AMOTL1: variants seen among roughly 807,000 people sequenced by gnomAD.
AMOTL1 encodes the protein angiomotin like 1.
Under a neutral mutation model 102.9 loss-of-function variants are expected in AMOTL1, and 45 were observed. The ratio of observed to expected loss-of-function variants is 0.44; its 90% CI spans 0.34 to 0.56. The LOEUF is 0.56. AMOTL1 is among the 20% of genes least tolerant of loss of function. The pLI, the probability that AMOTL1 is intolerant of heterozygous loss-of-function variation, is 0.01. For missense variants in AMOTL1, 1,114 were observed against 1,225.6 expected (o/e 0.91, Z 1.36); for synonymous variants, 481 against 484.7 (o/e 0.99, Z 0.10).
intron 2 of AMOTL1, among the ~76,000 whole-genome samples, chr11:94,795,949 A>G (rs1057476074): frequency 6.6e-6 from 1 of 152,222 alleles, no homozygotes; most frequent in African/African-American, 2.4e-5. Flanking sequence ...ACCTGTCCCA[A>G]TGCCTGAACT....
intron 9 of AMOTL1, among the ~76,000 whole-genome samples, 170 bp from the exon 10 acceptor site, chr11:94,864,565 T>C (rs1177643935): frequency 3.9e-5 from 6 of 152,148 alleles, no homozygotes; most frequent in East Asian, 1.9e-4. Flanking sequence ...TCAGATGAGA[T>C]TGATAACTGA....
At chr11:94,708,861 A>C (rs1364081679) in intron 1 of AMOTL1, among the ~76,000 whole-genome samples, 1 of 152,216 alleles carries the variant, frequency 6.6e-6, no homozygotes, top group Non-Finnish European at 1.5e-5. Flanking sequence ...AATTGAGTAC[A>C]GGAAACCAGT....
At chr11:94,770,942 C>T (rs576524244) in intron 1 of AMOTL1, among the ~76,000 whole-genome samples, 2 of 152,090 alleles carry the variant, frequency 1.3e-5, no homozygotes, top group East Asian at 1.9e-4. Context: ...GGACCCAGGG[C>T]CTAGGGAAAA....
intron 6 of AMOTL1, among the ~76,000 whole-genome samples, chr11:94,834,485 G>T (rs1374927989): frequency 6.6e-6 from 1 of 152,140 alleles, no homozygotes; most frequent in Non-Finnish European, 1.5e-5. Flanking sequence ...TACTCGGGGT[G>T]GGGCGCTGAG....
At position 94,799,192 on chromosome 11, in the gene AMOTL1, G is replaced by A. The variant is rs1004235632; in HGVS notation, c.200-198G>A. The stretch of plus-strand genomic sequence containing the variant: ...TTTAAGAGGAAGCAGAGGAGAGGGA[G>A]TGCAGAATAGTAGACTCGCTTTGAA... On this transcript the variant is annotated intron_variant, in intron 2 of 12. Coordinates refer to ENST00000433060, the MANE Select transcript of AMOTL1 (RefSeq NM_130847.3). This position sits in a 1 kb window ranked among gnomAD's most constrained non-coding sequence, Gnocchi z 4.5. Among the ~76,000 whole-genome samples, 10 of 151,980 alleles carry A rather than the reference G, an allele frequency of 6.6e-5. No individual in the cohort carries two copies. The highest frequency in any genetic ancestry group is 1.9e-4 in the African/African-American group (8 of 41,360).
intron 1 of AMOTL1, among the ~76,000 whole-genome samples, chr11:94,779,328 C>T (rs1951073672): frequency 1.3e-5 from 2 of 152,128 alleles, no homozygotes; most frequent in Non-Finnish European, 2.9e-5. Context: ...CCTTATGTAA[C>T]ATTTTCTTGA....
intron 2 of AMOTL1, among the ~76,000 whole-genome samples, chr11:94,733,206 C>G (rs942544588): frequency 3.5e-4 from 54 of 152,252 alleles, no homozygotes; most frequent in African/African-American, 1.2e-3. Context: ...CTGTCAGTTT[C>G]TAAGGACAAC....
At chr11:94,820,806 C>T (rs1311920583) in intron 3 of AMOTL1, among the ~76,000 whole-genome samples, 1 of 152,116 alleles carries the variant, frequency 6.6e-6, no homozygotes, top group Non-Finnish European at 1.5e-5. Flanking sequence ...AACAAACAAC[C>T]TAGATCCCCT....
chr11:94,814,638 G>A lies in AMOTL1; in HGVS notation c.1122-6892G>A, dbSNP rs375213009. 4.0e-4 allele frequency among the ~76,000 whole-genome samples: 61 copies of A among 152,258 alleles called. 1 individual carries two copies. The highest frequency in any genetic ancestry group is 1.1e-3 in the African/African-American group (44 of 41,542). On this transcript the variant is annotated intron_variant, in intron 3 of 12. Coordinates refer to ENST00000433060, the MANE Select transcript of AMOTL1 (RefSeq NM_130847.3). ...GATGGGCCCCTATTACGATAAACAC[G>A]TGCAAGTAATGGGGACACAAAGAAA... is the stretch of plus-strand genomic sequence containing the variant.
At chr11:94,729,207 C>T (rs1197528471) in intron 2 of AMOTL1, among the ~76,000 whole-genome samples, 1 of 152,184 alleles carries the variant, frequency 6.6e-6, no homozygotes, top group African/African-American at 2.4e-5. Context: ...TGAAGTCAGA[C>T]AGACCTGGGT....
At chr11:94,776,285 A>C (rs751307297) in intron 1 of AMOTL1, among the ~76,000 whole-genome samples, 11 of 152,142 alleles carry the variant, frequency 7.2e-5, no homozygotes, top group South Asian at 2.1e-4. Flanking sequence ...CCCACCCTAC[A>C]TCCAGTCAGT....
At chr11:94,748,353 C>T (rs1442195772) in intron 3 of AMOTL1, among the ~76,000 whole-genome samples, 1 of 152,190 alleles carries the variant, frequency 6.6e-6, no homozygotes, top group African/African-American at 2.4e-5. Context: ...GTGGGCACAA[C>T]CTGAAAGCTG....
chr11:94,772,037 T>C (rs145513002), intron 1 of AMOTL1, among the ~76,000 whole-genome samples: 1,579 of 152,306 alleles, frequency 0.01, 96 homozygotes, highest in Admixed American at 0.095. Context: ...ACTTTTAACT[T>C]TTCGTTTTGA....
chr11:94,787,436 A>G (rs1951208276), intron 1 of AMOTL1, among the ~76,000 whole-genome samples: 2 of 152,202 alleles, frequency 1.3e-5, no homozygotes, highest in African/African-American at 4.8e-5. Context: ...TAAGATACAA[A>G]ACAAACACTT....
At chr11:94,835,584 G>A (rs556451187) in intron 6 of AMOTL1, among the ~76,000 whole-genome samples, 1 of 152,318 alleles carries the variant, frequency 6.6e-6, no homozygotes, top group South Asian at 2.1e-4. Context: ...TTTTTAAATA[G>A]TTATGTTGGA....
intron 8 of AMOTL1, among the ~76,000 whole-genome samples, chr11:94,857,684 G>A (rs1018091362): frequency 1.3e-5 from 2 of 152,242 alleles, no homozygotes; most frequent in African/African-American, 4.8e-5. Context: ...AGAAAGAAGA[G>A]AGAAGGTTCT....
intron 4 of AMOTL1, 134 bp from the exon 5 acceptor site, chr11:94,829,916 C>T (rs1244411632): frequency 1.2e-6 from 1 of 826,032 alleles, no homozygotes; most frequent in Admixed American, 3.1e-5. Context: ...CAGTTTGGTA[C>T]ACATGAAACT....
intron 3 of AMOTL1, among the ~76,000 whole-genome samples, chr11:94,763,166 C>G (rs994177695): frequency 6.6e-6 from 1 of 152,176 alleles, no homozygotes; most frequent in African/African-American, 2.4e-5. Context: ...ACACAAGTGT[C>G]GTACCTTGTG....
chr11:94,821,860 C>A (rs554307021), intron 4 of AMOTL1, 39 bp downstream of exon 4: 16 of 1,599,010 alleles, frequency 1.0e-5, no homozygotes, highest in Non-Finnish European at 1.3e-5. Context: ...GAGACAAATT[C>A]TTTACCTGGT....
Sources: gnomAD v4.1 joint callset for allele counts (sites outside exome capture counted in the v4.1 genomes callset) on GRCh38, gnomAD v4.1.1 for gene constraint, Gnocchi (gnomAD v3.1) non-coding constraint, MANE v1.5 for transcripts, NCBI Gene and HGNC (gene_info 2026-07-23, HGNC 2026-07-21) for gene names.